Variants in DYSF observed in about 807,000 individuals in gnomAD.
The protein encoded by DYSF is dystrophy-associated fer-1-like 1.
In DYSF, 212 loss-of-function variants were observed where a neutral mutation model predicts 274.9. That is an observed-to-expected ratio of 0.77 (90% CI 0.69 to 0.86). The LOEUF is 0.86. DYSF is among the 40% of genes least tolerant of loss of function. The pLI is 0.00. For missense variants in DYSF, 2,666 were observed against 2,783.2 expected, an observed-to-expected ratio of 0.96 and a Z score of 0.95; for synonymous variants, 1,091 against 1,078.7, an observed-to-expected ratio of 1.01 and a Z score of -0.22.
chr2:71,505,422 C>T (rs2085382662), intron 4 of DYSF, among the ~76,000 whole-genome samples: 1 of 152,198 alleles, frequency 6.6e-6, no homozygotes, highest in Non-Finnish European at 1.5e-5. Context: ...CCTCTAAGGG[C>T]CAAAGAACCT....
In DYSF at chr2:71,601,471, GACCAGAGC is replaced by G; in HGVS notation, c.3898-27_3898-20del. The stretch of plus-strand genomic sequence containing the variant: ...TGGGGGCCTTAGGTGACAAGCACAT[GACCAGAGC>G]TCTCTTTTCTTCACTCCAGCCGGCC... On this transcript the variant is annotated intron_variant, in intron 34 of 55. Coordinates refer to ENST00000410020, the MANE Select transcript of DYSF (RefSeq NM_001130987.2). 3 of 1,614,154 alleles carry G rather than the reference GACCAGAGC, an allele frequency of 1.9e-6. No individual in the cohort carries two copies. Among genetic ancestry groups the G allele is most frequent in the Non-Finnish European group, 2.5e-6 (3 of 1,180,020 alleles).
chr2:71,558,500 AC>A (rs2091487797), intron 22 of DYSF, among the ~76,000 whole-genome samples: 2 of 152,124 alleles, frequency 1.3e-5, no homozygotes, highest in Non-Finnish European at 2.9e-5. Context: ...TGTTGGCACC[AC>A]CTTGGGTGAG....
intron 1 of DYSF, among the ~76,000 whole-genome samples, chr2:71,457,210 C>A (rs191007901): frequency 6.6e-6 from 1 of 152,116 alleles, no homozygotes; most frequent in Non-Finnish European, 1.5e-5. Flanking sequence ...CATCATGACC[C>A]GGTTATAATT....
At chr2:71,514,147 TAAAA>T (rs5832057) in intron 7 of DYSF, among the ~76,000 whole-genome samples, 1 of 125,188 alleles carries the variant, frequency 8.0e-6, no homozygotes. Flanking sequence ...GTTTTGCGCT[TAAAA>T]AAAAAAAAAA....
chr2:71,552,575 G>GAGATTTCACCTC (rs2091023095), intron 19 of DYSF, among the ~76,000 whole-genome samples: 1 of 152,210 alleles, frequency 6.6e-6, no homozygotes, highest in Non-Finnish European at 1.5e-5. Flanking sequence ...GTATCCTGAA[G>GAGATTTCACCTC]AGCTGGCTGC....
At chr2:71,524,663 C>A (rs918594009) in intron 12 of DYSF, among the ~76,000 whole-genome samples, 2 of 152,180 alleles carry the variant, frequency 1.3e-5, no homozygotes, top group East Asian at 3.9e-4. Context: ...CTTCGCTGCT[C>A]GCTAGCCCAA....
At chr2:71,501,386 G>C (rs1301114588) in intron 3 of DYSF, among the ~76,000 whole-genome samples, 4 of 152,216 alleles carry the variant, frequency 2.6e-5, no homozygotes, top group Non-Finnish European at 5.9e-5. Flanking sequence ...GCTTAAATAA[G>C]TGGCTAGTTT....
intron 41 of DYSF, among the ~76,000 whole-genome samples, chr2:71,621,628 T>TAC (rs1288593366): frequency 6.6e-6 from 1 of 150,482 alleles, no homozygotes; most frequent in African/African-American, 2.4e-5. Flanking sequence ...TGTGTGTATA[T>TAC]ATAATATATG....
chr2:71,481,856 T>G, intron 2 of DYSF, 23 bp from the exon 3 acceptor site: 1 of 1,604,358 alleles, frequency 6.2e-7, no homozygotes, highest in Non-Finnish European at 8.5e-7. Flanking sequence ...TAGGTTAAGA[T>G]GCCTTTTCTC....
At position 71,681,110 on chromosome 2, in the gene DYSF, G is replaced by A. The variant is rs886042452; in HGVS notation, c.6173G>A (p.Arg2058Lys). The A allele has an allele frequency of 6.2e-7, 1 of 1,613,824 alleles. No individual in the cohort carries two copies. The highest frequency in any genetic ancestry group is 8.5e-7 in the Non-Finnish European group (1 of 1,179,968). Residue 2058 changes from arginine (R) to lysine (K), a missense_variant and splice_region_variant, in exon 54 of 56, where the codon AGG becomes AAG. Coordinates refer to ENST00000410020, the MANE Select transcript of DYSF (RefSeq NM_001130987.2). ...PNMNPKLEDP[R>K]RPDTSFLWFT... ...ATGAACCCTAAGCTTGAGGACCCAA[G>A]GTCAGTGCCCAGCCCCTGAGCCCCA...
intron 33 of DYSF, 55 bp from the exon 34 acceptor site, chr2:71,600,647 T>C: frequency 6.2e-7 from 1 of 1,612,900 alleles, no homozygotes; most frequent in Non-Finnish European, 8.5e-7. Context: ...TCTCTGAGGC[T>C]CCCTAGAGCC....
intron 40 of DYSF, among the ~76,000 whole-genome samples, chr2:71,618,315 TG>T (rs2093974492): frequency 1.0e-4 from 10 of 98,160 alleles, no homozygotes; most frequent in Non-Finnish European, 1.4e-4. Flanking sequence ...GGTGTGTGTG[TG>T]TGTGGTAGAG....
chr2:71,621,966 A>G lies in DYSF; in HGVS notation c.4527+1357A>G, dbSNP rs545188350. Among the ~76,000 whole-genome samples the G allele has an allele frequency of 3.3e-5, 5 of 152,152 alleles. No homozygotes were observed. The South Asian group carries it at 1.0e-3, about 32-fold the overall frequency. ...GAGCCACCACACCCAGCCTATTCTT[A>G]TATTCTTTAAAGATATGACTGCATG... On this transcript the variant is annotated intron_variant, in intron 41 of 55. Coordinates refer to ENST00000410020, the MANE Select transcript of DYSF (RefSeq NM_001130987.2).
intron 21 of DYSF, among the ~76,000 whole-genome samples, 197 bp from the exon 22 acceptor site, chr2:71,555,768 G>A (rs946378227): frequency 6.6e-6 from 1 of 152,212 alleles, no homozygotes; most frequent in African/African-American, 2.4e-5. Flanking sequence ...GAGACTGGAT[G>A]TATTTGGGCG....
At chr2:71,618,590 TGTGTG>T (rs2094000915) in intron 40 of DYSF, among the ~76,000 whole-genome samples, 1 of 139,280 alleles carries the variant, frequency 7.2e-6, no homozygotes, top group Non-Finnish European at 1.6e-5. Context: ...GAGTTGTGTG[TGTGTG>T]GTAGAGGTGG....
At chr2:71,580,719 G>T (rs753299025) in intron 30 of DYSF, among the ~76,000 whole-genome samples, 1 of 152,204 alleles carries the variant, frequency 6.6e-6, no homozygotes, top group African/African-American at 2.4e-5. Context: ...AGCATGGGCG[G>T]CTTGAGGGCT....
chr2:71,562,802 C>T (rs545839567), intron 23 of DYSF, among the ~76,000 whole-genome samples: 2 of 152,216 alleles, frequency 1.3e-5, no homozygotes, highest in East Asian at 1.9e-4. Context: ...AGGCTGGTTC[C>T]CTGGTGGACA....
At chr2:71,596,698 C>T (rs1044504696) in intron 32 of DYSF, among the ~76,000 whole-genome samples, 2 of 152,212 alleles carry the variant, frequency 1.3e-5, no homozygotes, top group Non-Finnish European at 2.9e-5. Flanking sequence ...CCTTCCCCTG[C>T]CAAGGGCCTC....
chr2:71,540,988 T>C (rs2089878118), intron 17 of DYSF, among the ~76,000 whole-genome samples: 1 of 152,216 alleles, frequency 6.6e-6, no homozygotes, highest in Non-Finnish European at 1.5e-5. Flanking sequence ...ACAAACACTG[T>C]ATTTTGAGTA....
Sources: gnomAD v4.1 joint callset for allele counts (sites outside exome capture counted in the v4.1 genomes callset) on GRCh38, gnomAD v4.1.1 for gene constraint, MANE v1.5 for transcripts, NCBI Gene and HGNC (gene_info 2026-07-23, HGNC 2026-07-21) for gene names.